The following MUL1 variants were observed in gnomAD, a reference collection of about 807,000 sequenced individuals.
MUL1 encodes mitochondrial E3 ubiquitin protein ligase 1.
A neutral mutation model predicts 34.1 loss-of-function variants in MUL1; 30 were observed. The observed-to-expected ratio is 0.88, with a 90% CI of 0.66 to 1.19. The LOEUF is 1.19. Among genes scored for constraint, MUL1 ranks in the 50% most tolerant of loss-of-function variants. MUL1 has a pLI of 0.00. For missense variants in MUL1, 419 were observed against 450.5 expected (o/e 0.93, Z 0.63); for synonymous variants, 191 against 187.8 (o/e 1.02, Z -0.14).
At chr1:20,502,702 T>C (rs971268399) in intron 2 of MUL1, among the ~76,000 whole-genome samples, 11 of 152,180 alleles carry the variant, frequency 7.2e-5, no homozygotes, top group Middle Eastern at 3.4e-3. Flanking sequence ...TCCAGCTAAT[T>C]TTTGTATTTT....
intron 2 of MUL1, 49 bp downstream of exon 2, chr1:20,503,173 T>C: frequency 7.6e-7 from 1 of 1,318,470 alleles, no homozygotes; most frequent in South Asian, 1.3e-5. Flanking sequence ...TCTTTATCAA[T>C]CTTTTGGGAA....
chr1:20,502,313 C>T, intron 2 of MUL1, 124 bp from the exon 3 acceptor site: 1 of 1,334,606 alleles, frequency 7.5e-7, no homozygotes, highest in Non-Finnish European at 1.0e-6. Context: ...CTTTGGGAAG[C>T]CAAGTCAGAA....
chr1:20,503,343 A>G (rs1217619183), intron 1 of MUL1, 34 bp from the exon 2 acceptor site: 2 of 1,293,562 alleles, frequency 1.5e-6, no homozygotes, highest in Non-Finnish European at 2.2e-6. Context: ...TTAATTGGCC[A>G]TTGAACACTG....
In MUL1 at chr1:20,500,469, C is replaced by A. The variant is rs1570331170; in HGVS notation, c.*221G>T. ...GCCACGGCATCCTCCCAGGGTGAGGCTCTGATGAGGCTGCACATGGACAGG... is the reference window on the plus strand; with the variant it reads ...GCCACGGCATCCTCCCAGGGTGAGGATCTGATGAGGCTGCACATGGACAGG... On this transcript the variant is annotated 3_prime_UTR_variant, in exon 4 of 4. Coordinates refer to ENST00000264198, the MANE Select transcript of MUL1 (RefSeq NM_024544.3). 1 of 526,150 alleles carries A rather than the reference C, an allele frequency of 1.9e-6. No homozygotes were observed. Among genetic ancestry groups the A allele is most frequent in the Non-Finnish European group, 3.3e-6 (1 of 307,160 alleles). 32.6% of individuals were successfully genotyped at this position (526,150 alleles called of 1,614,324 possible).
chr1:20,501,123 C>A lies in MUL1; in HGVS notation c.626G>T (p.Arg209Leu), dbSNP rs947831901. ...CATGCCTTGTTTGGGCGGCTGCAGG[C>A]GGACAGAGTTGTTGTCCAGGACCAG... ...GELVLDNNSV[R>L]LQPPKQGMQY... is the part of the protein sequence containing the mutation. Residue 209 changes from arginine to leucine, a missense_variant, in exon 4 of 4, where the codon CGC becomes CTC. Physicochemically the swap from Arg to Leu is moderately radical, Grantham distance 102 (BLOSUM62 -2). Coordinates refer to ENST00000264198, the MANE Select transcript of MUL1 (RefSeq NM_024544.3). The surrounding 1 kb of genome is among the most constrained non-coding windows in gnomAD (Gnocchi z 4.2). 12 of 1,614,086 alleles carry A rather than the reference C, an allele frequency of 7.4e-6. No homozygotes were observed. The East Asian group carries it at 2.5e-4, about 33-fold the overall frequency.
intron 2 of MUL1, among the ~76,000 whole-genome samples, chr1:20,502,965 C>A (rs77808593): frequency 0.034 from 5,224 of 152,170 alleles, 353 homozygotes; most frequent in East Asian, 0.23. Context: ...CTCCTAAGCA[C>A]TTTGCATGGA....
At position 20,501,503 on chromosome 1, in the gene MUL1, C is replaced by T; in HGVS notation, c.330-84G>A. 6.9e-7 allele frequency: 1 copy of T among 1,456,758 alleles called. No homozygotes were observed. Among genetic ancestry groups the T allele is most frequent in the Non-Finnish European group, 9.3e-7 (1 of 1,075,416 alleles). 90.2% of individuals were successfully genotyped at this position (1,456,758 alleles called of 1,614,324 possible). A position where few individuals can be genotyped will look rare whatever the true frequency, so the allele number is the denominator to read the frequency against. Reference sequence around the variant, plus strand: ...CTGGAGATCAACTAAATGTGGAGGACAGCATATGGTCTGAAGTAACTGGAA... The same window carrying T: ...CTGGAGATCAACTAAATGTGGAGGATAGCATATGGTCTGAAGTAACTGGAA... On this transcript the variant is annotated intron_variant, in intron 3 of 3. Transcript: ENST00000264198. This position sits in a 1 kb window ranked among gnomAD's most constrained non-coding sequence, Gnocchi z 4.2.
intron 1 of MUL1, among the ~76,000 whole-genome samples, chr1:20,504,226 T>C (rs1271185190): frequency 1.3e-5 from 2 of 152,336 alleles, no homozygotes; most frequent in South Asian, 2.1e-4. Flanking sequence ...TTCTTTCTGC[T>C]GCTGTCTTCC....
chr1:20,506,299 A>G lies in MUL1; in HGVS notation c.120+1606T>C, dbSNP rs112241664. Among the ~76,000 whole-genome samples the G allele has an allele frequency of 2.4e-3, 360 of 152,336 alleles. 2 individuals carry two copies. Among genetic ancestry groups the G allele is most frequent in the African/African-American group, 8.1e-3 (335 of 41,580 alleles). ...ACCCACAAACATTTACTGAGCATCT[A>G]CCACTTGCCAAGTACTGTGTTAGAA... is the stretch of plus-strand genomic sequence containing the variant. On this transcript the variant is annotated intron_variant, in intron 1 of 3. Transcript: ENST00000264198.
chr1:20,504,930 G>C (rs1006674213), intron 1 of MUL1, among the ~76,000 whole-genome samples: 5 of 152,162 alleles, frequency 3.3e-5, no homozygotes, highest in African/African-American at 1.2e-4. Context: ...GAGGTGAAGT[G>C]ATTTGCCCAA....
At position 20,501,446 on chromosome 1, in the gene MUL1, C is replaced by A; in HGVS notation, c.330-27G>T. The A allele has an allele frequency of 1.3e-6, 2 of 1,595,366 alleles. No homozygotes were observed. The highest frequency in any genetic ancestry group is 1.1e-5 in the South Asian group (1 of 89,092). ...TAGAAGAATAAGAGAACTAAAGATA[C>A]AGGGTAGCAAACAGCAAACACCCAG... On this transcript the variant is annotated intron_variant, in intron 3 of 3. Coordinates refer to ENST00000264198, the MANE Select transcript of MUL1 (RefSeq NM_024544.3). This position sits in a 1 kb window ranked among gnomAD's most constrained non-coding sequence, Gnocchi z 4.2.
rs111373570 is a variant in MUL1 at position 20,504,061 on chromosome 1, G to C, written c.121-752C>G. ...TAATTTTTTTATTTTGCAGAGACAGGGTCTCCCAATGTTGCCCAGGCTGGT... is the reference window on the plus strand; with the variant it reads ...TAATTTTTTTATTTTGCAGAGACAGCGTCTCCCAATGTTGCCCAGGCTGGT... On this transcript the variant is annotated intron_variant, in intron 1 of 3. Coordinates refer to ENST00000264198, the MANE Select transcript of MUL1 (RefSeq NM_024544.3). Among the ~76,000 whole-genome samples, 360 of 152,026 alleles carry C rather than the reference G, an allele frequency of 2.4e-3. 2 individuals are homozygous for C. The highest frequency in any genetic ancestry group is 8.1e-3 in the African/African-American group (335 of 41,460).
Position 20,500,803 on chromosome 1 carries a change from C to T in MUL1, c.946G>A (p.Glu316Lys). ...GTGCAGGAACAAACGTGCCCACACT[C>T]CAGAAAGACGCAGGACTTGAAGCTG... ...LSSFKSCVFLECGHVCSCTEC... is the reference protein window; with the variant it reads ...LSSFKSCVFLKCGHVCSCTEC... The change falls in exon 4 of 4, where the codon GAG becomes AAG. Residue 316 changes from glutamate (E) to lysine (K), a missense_variant. Glu to Lys is a moderately conservative substitution (Grantham distance 56, BLOSUM62 1). Transcript: ENST00000264198. 1 of 1,614,154 alleles carries T rather than the reference C, an allele frequency of 6.2e-7. No individual in the cohort carries two copies. Among genetic ancestry groups the T allele is most frequent in the Admixed American group, 1.7e-5 (1 of 60,016 alleles).
At position 20,500,516 on chromosome 1, in the gene MUL1, G is replaced by T; in HGVS notation, c.*174C>A. 2 of 807,592 alleles carry T rather than the reference G, an allele frequency of 2.5e-6. No individual in the cohort carries two copies. The highest frequency in any genetic ancestry group is 3.8e-6 in the Non-Finnish European group (2 of 532,180). 50.0% of individuals were successfully genotyped at this position (807,592 alleles called of 1,614,324 possible). A position where few individuals can be genotyped will look rare whatever the true frequency, so the allele number is the denominator to read the frequency against. ...CAGGGTCCCCTCTCAGGTGGGAAAG[G>T]CAGCATCCTGCCATTGGAGGCATGG... On this transcript the variant is annotated 3_prime_UTR_variant, in exon 4 of 4. Coordinates refer to ENST00000264198, the MANE Select transcript of MUL1 (RefSeq NM_024544.3).
chr1:20,507,895 C>T lies in MUL1; in HGVS notation c.120+10G>A. 1 of 1,597,012 alleles carries T rather than the reference C, an allele frequency of 6.3e-7. No individual in the cohort carries two copies. Among genetic ancestry groups the T allele is most frequent in the Non-Finnish European group, 8.5e-7 (1 of 1,172,538 alleles). On this transcript the variant is annotated intron_variant, in intron 1 of 3. Transcript: ENST00000264198. ...GACCCGGCTGAGGCCAGGCCGGCTC[C>T]AGCACTGACCTTGAGCTCTTGGGAG...
chr1:20,508,084 C>G lies in MUL1; in HGVS notation c.-60G>C. ...CAAGGATAGGCCTGGTGACCCCCGA[C>G]TCTCCACCTCCTTCCGACCAGGACC... On this transcript the variant is annotated 5_prime_UTR_variant, in exon 1 of 4. Coordinates refer to ENST00000264198, the MANE Select transcript of MUL1 (RefSeq NM_024544.3). 1 of 1,546,840 alleles carries G rather than the reference C, an allele frequency of 6.5e-7. No individual in the cohort carries two copies. Among genetic ancestry groups the G allele is most frequent in the Non-Finnish European group, 8.7e-7 (1 of 1,146,012 alleles).
intron 1 of MUL1, among the ~76,000 whole-genome samples, chr1:20,503,874 A>AT (rs111696728): frequency 1.5e-3 from 213 of 141,650 alleles, no homozygotes; most frequent in South Asian, 3.8e-3. Context: ...GCCATTCTAC[A>AT]TTTTTTTTTT....
In MUL1 at chr1:20,499,624, G is replaced by A. The variant is rs986731867; in HGVS notation, c.*1066C>T. Reference sequence around the variant, plus strand: ...ATGTGACCTCCAACTACTCAGAGGTGGGGGAAAACAGCCCCATCTGTCTTG... The same window carrying A: ...ATGTGACCTCCAACTACTCAGAGGTAGGGGAAAACAGCCCCATCTGTCTTG... On this transcript the variant is annotated 3_prime_UTR_variant, in exon 4 of 4. Transcript: ENST00000264198. 1.3e-5 allele frequency: 2 copies of A among 152,194 alleles called. No individual in the cohort carries two copies. Among genetic ancestry groups the A allele is most frequent in the Non-Finnish European group, 2.9e-5 (2 of 68,052 alleles). 9.4% of individuals were successfully genotyped at this position (152,194 alleles called of 1,614,324 possible). A position where few individuals can be genotyped will look rare whatever the true frequency, so the allele number is the denominator to read the frequency against.
rs1280029789 is a variant in MUL1 at position 20,508,075 on chromosome 1, G to A, written c.-51C>T. On this transcript the variant is annotated 5_prime_UTR_variant, in exon 1 of 4. Transcript: ENST00000264198. Reference sequence around the variant, plus strand: ...CTGTGGCGCCAAGGATAGGCCTGGTGACCCCCGACTCTCCACCTCCTTCCG... The same window carrying A: ...CTGTGGCGCCAAGGATAGGCCTGGTAACCCCCGACTCTCCACCTCCTTCCG... 7.1e-6 allele frequency: 11 copies of A among 1,557,098 alleles called. No individual in the cohort carries two copies. Among genetic ancestry groups the A allele is most frequent in the African/African-American group, 1.3e-5 (1 of 74,184 alleles).
Sources: allele counts gnomAD v4.1 joint callset (sites outside exome capture counted in the v4.1 genomes callset), GRCh38; gene constraint gnomAD v4.1.1; non-coding constraint Gnocchi (gnomAD v3.1); transcripts MANE v1.5; gene names NCBI Gene and HGNC (gene_info 2026-07-23, HGNC 2026-07-21).